Variants in RNLS observed in about 807,000 individuals in gnomAD.
The protein encoded by RNLS is renalase, FAD dependent amine oxidase, also known as renalase.
In RNLS, 39 loss-of-function variants were observed where a neutral mutation model predicts 39.8. That is an observed-to-expected ratio of 0.98 (90% CI 0.76 to 1.28). The LOEUF (loss-of-function observed/expected upper bound fraction) is 1.28, where lower values mean the gene tolerates loss of function less well. Ranked by LOEUF, RNLS falls within the 50% of genes most tolerant of loss-of-function variation. The pLI, the probability that RNLS is intolerant of heterozygous loss-of-function variation, is 0.00. For missense variants in RNLS, 410 were observed against 413.3 expected, an observed-to-expected ratio of 0.99 and a Z score of 0.07; for synonymous variants, 147 against 150.7, an observed-to-expected ratio of 0.98 and a Z score of 0.18.
chr10:88,285,158 G>T lies in RNLS; in HGVS notation c.*196C>A. On this transcript the variant is annotated 3_prime_UTR_variant, in exon 7 of 7. Transcript: ENST00000331772. ...GAAAAGTAGGGAAGGTGCAAGGTGT[G>T]AGGAATTTCCATTCTAGCATGGGTT... 8.1e-7 allele frequency: 1 copy of T among 1,240,538 alleles called. No homozygotes were observed. Among genetic ancestry groups the T allele is most frequent in the Non-Finnish European group, 1.0e-6 (1 of 988,646 alleles). 76.8% of individuals were successfully genotyped at this position (1,240,538 alleles called of 1,614,324 possible).
chr10:88,493,401 A>T (rs747204442), intron 4 of RNLS, among the ~76,000 whole-genome samples: 8 of 152,090 alleles, frequency 5.3e-5, no homozygotes, highest in Non-Finnish European at 5.9e-5. Context: ...AATCATATAT[A>T]AGAACAGAGG....
the RNLS span, among the ~76,000 whole-genome samples, chr10:88,214,381 A>G: frequency 6.6e-6 from 1 of 152,060 alleles, no homozygotes; most frequent in Admixed American, 6.6e-5. Context: ...TCCTTTACCA[A>G]TATAAGACTC....
chr10:88,298,974 T>C (rs2132940563), intron 6 of RNLS, among the ~76,000 whole-genome samples: 1 of 152,332 alleles, frequency 6.6e-6, no homozygotes, highest in East Asian at 1.9e-4. Flanking sequence ...ATTTAGGTCT[T>C]TTTAAATGTC....
At chr10:88,347,246 C>T (rs1848370598) in intron 5 of RNLS, among the ~76,000 whole-genome samples, 1 of 152,138 alleles carries the variant, frequency 6.6e-6, no homozygotes, top group African/African-American at 2.4e-5. Flanking sequence ...ATTTTGAGCC[C>T]TGGGCTTACG....
chr10:88,230,728 T>A, the RNLS span, among the ~76,000 whole-genome samples: 1 of 152,230 alleles, frequency 6.6e-6, no homozygotes, highest in Admixed American at 6.5e-5. Flanking sequence ...ATTTGAGACA[T>A]CTTAGATAAT....
chr10:88,396,953 C>A lies in RNLS; in HGVS notation c.527-34228G>T, dbSNP rs111341453. Among the ~76,000 whole-genome samples, 357 of 151,902 alleles carry A rather than the reference C, an allele frequency of 2.4e-3. 2 individuals are homozygous for A. Among genetic ancestry groups the A allele is most frequent in the Non-Finnish European group, 4.1e-3 (278 of 67,862 alleles). On this transcript the variant is annotated intron_variant, in intron 4 of 6. Coordinates refer to ENST00000331772, the MANE Select transcript of RNLS (RefSeq NM_001031709.3). The stretch of plus-strand genomic sequence containing the variant: ...TATAACAATAATACACAAATGTGCA[C>A]CAAACAACAGGGTCCCAAAATACAT...
In RNLS at chr10:88,379,996, A is replaced by G. The variant is rs546382325; in HGVS notation, c.527-17271T>C. The stretch of plus-strand genomic sequence containing the variant: ...CCCCAGACACCAAGGCACAGAGACA[A>G]ACGTCTGCATTGTAACCTGTCCAAA... On this transcript the variant is annotated intron_variant, in intron 4 of 6. Transcript: ENST00000331772. 2.2e-4 allele frequency among the ~76,000 whole-genome samples: 33 copies of G among 152,278 alleles called. 1 individual carries two copies. The highest frequency in any genetic ancestry group is 7.7e-4 in the African/African-American group (32 of 41,562).
At chr10:88,256,890 G>A in the RNLS span, among the ~76,000 whole-genome samples, 2 of 151,952 alleles carry the variant, frequency 1.3e-5, no homozygotes, top group Non-Finnish European at 2.9e-5. Flanking sequence ...TTCCTCCTTC[G>A]TTTTTTAAAA....
At chr10:88,444,691 C>T (rs182310195) in intron 4 of RNLS, among the ~76,000 whole-genome samples, 8 of 152,076 alleles carry the variant, frequency 5.3e-5, no homozygotes, top group African/African-American at 1.4e-4. Context: ...CTTCAGTAGC[C>T]GATTCGATCA....
chr10:88,435,458 TA>T (rs1284307065), intron 4 of RNLS, among the ~76,000 whole-genome samples: 10 of 142,616 alleles, frequency 7.0e-5, no homozygotes, highest in Non-Finnish European at 1.4e-4. Flanking sequence ...ATTAAAAAAA[TA>T]AAAAAAGACC....
At chr10:88,219,439 T>C in the RNLS span, among the ~76,000 whole-genome samples, 1 of 152,228 alleles carries the variant, frequency 6.6e-6, no homozygotes, top group Non-Finnish European at 1.5e-5. Context: ...CTATTAGCAC[T>C]CATGTGAATT....
intron 4 of RNLS, among the ~76,000 whole-genome samples, chr10:88,365,601 TACAC>T (rs1330344674): frequency 7.9e-5 from 12 of 151,590 alleles, no homozygotes; most frequent in Admixed American, 3.3e-4. Context: ...TAACATATCT[TACAC>T]ATACATAATA....
chr10:88,329,554 G>A (rs1846928110), intron 5 of RNLS, among the ~76,000 whole-genome samples: 1 of 151,440 alleles, frequency 6.6e-6, no homozygotes, highest in African/African-American at 2.4e-5. Context: ...ATTAATTTTG[G>A]AAATTGTTCA....
At position 88,362,551 on chromosome 10, in the gene RNLS, C is replaced by T; in HGVS notation, c.700+1G>A. ...TTAAGGGAAATAATAGGGGTACTGA[C>T]CTATATTGCGCTTCTTATTATCAAT... On this transcript the variant is annotated splice_donor_variant, in intron 5 of 6. Coordinates refer to ENST00000331772, the MANE Select transcript of RNLS (RefSeq NM_001031709.3). LOFTEE classifies it high-confidence loss of function. 1 of 1,613,366 alleles carries T rather than the reference C, an allele frequency of 6.2e-7. No homozygotes were observed. The highest frequency in any genetic ancestry group is 1.3e-5 in the African/African-American group (1 of 75,004).
the RNLS span, among the ~76,000 whole-genome samples, chr10:88,193,240 C>T: frequency 6.6e-6 from 1 of 152,158 alleles, no homozygotes; most frequent in Non-Finnish European, 1.5e-5. Flanking sequence ...GCTAGACCCA[C>T]AGAGCGAGTG....
chr10:88,298,400 C>A (rs1844244876), intron 6 of RNLS, among the ~76,000 whole-genome samples: 2 of 152,250 alleles, frequency 1.3e-5, no homozygotes, highest in South Asian at 4.1e-4. Flanking sequence ...ATCTAAGAAA[C>A]CATTGCCAAA....
At chr10:88,512,807 T>C (rs1846203614) in intron 4 of RNLS, among the ~76,000 whole-genome samples, 1 of 152,164 alleles carries the variant, frequency 6.6e-6, no homozygotes, top group Admixed American at 6.6e-5. Flanking sequence ...CTGTCTGGAA[T>C]GCCACACTCC....
intron 5 of RNLS, among the ~76,000 whole-genome samples, chr10:88,334,912 A>G (rs1023479717): frequency 6.6e-5 from 10 of 152,180 alleles, no homozygotes; most frequent in African/African-American, 2.2e-4. Flanking sequence ...AGAAGGAAAA[A>G]ACTGCTATCT....
chr10:88,172,970 C>A, the RNLS span, among the ~76,000 whole-genome samples: 1 of 147,166 alleles, frequency 6.8e-6, no homozygotes, highest in Admixed American at 7.0e-5. Flanking sequence ...CATTCTCCTG[C>A]CTCAGCCTCC....
Sources: gnomAD v4.1 joint callset for allele counts (sites outside exome capture counted in the v4.1 genomes callset) on GRCh38, gnomAD v4.1.1 for gene constraint, MANE v1.5 for transcripts, NCBI Gene and HGNC (gene_info 2026-07-23, HGNC 2026-07-21) for gene names.